SH2B3: variants seen among roughly 807,000 people sequenced by gnomAD.
The protein encoded by SH2B3 is SH2B adaptor protein 3.
Under a neutral mutation model 51.9 loss-of-function variants are expected in SH2B3, and 43 were observed. That is an observed-to-expected ratio of 0.83 (90% CI 0.65 to 1.07). The LOEUF is 1.07. Among genes scored for constraint, SH2B3 ranks in the 50% least tolerant of loss-of-function variants. SH2B3 has a pLI of 0.00. For missense variants in SH2B3, 952 were observed against 834.3 expected, an observed-to-expected ratio of 1.14 and a Z score of -1.74; for synonymous variants, 396 against 376.0, an observed-to-expected ratio of 1.05 and a Z score of -0.62.
chr12:111,423,724 A>G (rs1871754236), intron 2 of SH2B3, among the ~76,000 whole-genome samples: 1 of 151,718 alleles, frequency 6.6e-6, no homozygotes. Flanking sequence ...GGCTCATGCC[A>G]GTAATCCCAG....
chr12:111,418,646 A>G lies in SH2B3; in HGVS notation c.501A>G (p.Gly167=). The change falls in exon 2 of 8, where the codon GGA becomes GGG. Residue 167 remains glycine (G), a synonymous_variant. Transcript: ENST00000341259. The surrounding 1 kb of genome is among the most constrained non-coding windows in gnomAD (Gnocchi z 6.7). ...CCGCTGCCGCCCCCGGGACCCCCGGAGAGGCTGCTGAGACCCCCGCCCGGC... is the reference window on the plus strand; with the variant it reads ...CCGCTGCCGCCCCCGGGACCCCCGGGGAGGCTGCTGAGACCCCCGCCCGGC... The part of the protein sequence containing the change: ...AHTAAAPGTP[G]EAAETPARPG... 1 of 1,479,562 alleles carries G rather than the reference A, an allele frequency of 6.8e-7. No individual in the cohort carries two copies. The highest frequency in any genetic ancestry group is 8.9e-7 in the Non-Finnish European group (1 of 1,124,688). The allele number at this position is 1,479,562 out of a possible 1,614,324, so 91.7% of individuals were successfully genotyped here.
intron 1 of SH2B3, among the ~76,000 whole-genome samples, chr12:111,417,689 T>C (rs1871191267): frequency 6.6e-6 from 1 of 151,986 alleles, no homozygotes; most frequent in Admixed American, 6.6e-5. Context: ...ACTCCTGGGC[T>C]CAAGTGATCC....
chr12:111,412,025 G>A (rs1242260633), intron 1 of SH2B3, among the ~76,000 whole-genome samples: 1 of 152,158 alleles, frequency 6.6e-6, no homozygotes, highest in Non-Finnish European at 1.5e-5. Flanking sequence ...CCGAAGCTCT[G>A]TGCTGGGATA....
At chr12:111,432,645 T>C (rs989722137) in intron 2 of SH2B3, among the ~76,000 whole-genome samples, 2 of 152,198 alleles carry the variant, frequency 1.3e-5, no homozygotes, top group Non-Finnish European at 2.9e-5. Flanking sequence ...AAGGAAACCT[T>C]GTACCCATGA....
At position 111,447,018 on chromosome 12, in the gene SH2B3, A is replaced by G; in HGVS notation, c.911A>G (p.Glu304Gly). 1.2e-6 allele frequency: 2 copies of G among 1,613,818 alleles called. No individual in the cohort carries two copies. Among genetic ancestry groups the G allele is most frequent in the African/African-American group, 1.3e-5 (1 of 75,010 alleles). Reference protein sequence around the residue: ...QLNSWMAELSECTGRGLESTE... With the variant: ...QLNSWMAELSGCTGRGLESTE... ...AATTCATGGATGGCTGAGCTCTCGG[A>G]GTGCACAGGCCGAGGGTGAGGTCCT... Residue 304 changes from glutamate to glycine, a missense_variant, in exon 4 of 8, where the codon GAG becomes GGG. Glu to Gly is a moderately conservative substitution (Grantham distance 98). Coordinates refer to ENST00000341259, the MANE Select transcript of SH2B3 (RefSeq NM_005475.3).
intron 2 of SH2B3, among the ~76,000 whole-genome samples, chr12:111,431,443 TA>T (rs1314819666): frequency 1.3e-5 from 2 of 152,110 alleles, no homozygotes; most frequent in Non-Finnish European, 2.9e-5. Flanking sequence ...TAATGTTTTT[TA>T]TTTTGCTTTT....
At chr12:111,444,448 A>G (rs1467571137) in intron 2 of SH2B3, among the ~76,000 whole-genome samples, 1 of 152,190 alleles carries the variant, frequency 6.6e-6, no homozygotes, top group East Asian at 1.9e-4. Flanking sequence ...CTCCCCAGAA[A>G]TAGACGCTGC....
At chr12:111,439,123 C>T (rs188264125) in intron 2 of SH2B3, among the ~76,000 whole-genome samples, 1 of 152,102 alleles carries the variant, frequency 6.6e-6, no homozygotes, top group Non-Finnish European at 1.5e-5. Flanking sequence ...CAGGTACCTG[C>T]CACCATGCCC....
Position 111,430,990 on chromosome 12 carries a change from C to T in SH2B3, c.732+12113C>T, listed in dbSNP as rs920804745. On this transcript the variant is annotated intron_variant, in intron 2 of 7. Transcript: ENST00000341259. Reference sequence around the variant, plus strand: ...TGTGAATGGAAAAGGAAACTGATTGCGCTAGAAGAGGTCTCCGAGTGCCGG... The same window carrying T: ...TGTGAATGGAAAAGGAAACTGATTGTGCTAGAAGAGGTCTCCGAGTGCCGG... Among the ~76,000 whole-genome samples the T allele has an allele frequency of 3.3e-5, 5 of 150,298 alleles. 1 individual carries two copies. The South Asian group carries it at 8.4e-4, about 25-fold the overall frequency.
chr12:111,442,137 A>G (rs570997749), intron 2 of SH2B3, among the ~76,000 whole-genome samples: 5 of 152,314 alleles, frequency 3.3e-5, no homozygotes, highest in East Asian at 3.9e-4. Context: ...CCATCCCGGC[A>G]GCATCCACTT....
intron 3 of SH2B3, 43 bp downstream of exon 3, chr12:111,446,897 A>G: frequency 1.2e-6 from 2 of 1,603,314 alleles, no homozygotes; most frequent in Non-Finnish European, 1.7e-6. Flanking sequence ...ATACAAATAC[A>G]TACACATACA....
At chr12:111,443,233 G>C (rs995940276) in intron 2 of SH2B3, among the ~76,000 whole-genome samples, 22 of 152,246 alleles carry the variant, frequency 1.4e-4, no homozygotes, top group Admixed American at 4.6e-4. Context: ...AGGGAGAGCT[G>C]CGTGACCCCA....
Position 111,429,005 on chromosome 12 carries a change from G to C in SH2B3, c.732+10128G>C, listed in dbSNP as rs1195092982. The stretch of plus-strand genomic sequence containing the variant: ...CGGAGGCCTGGCGGTTTCCTCTCGG[G>C]GCAGGAGTGCGAGGAGGAGGAGGAG... On this transcript the variant is annotated intron_variant, in intron 2 of 7. Coordinates refer to ENST00000341259, the MANE Select transcript of SH2B3 (RefSeq NM_005475.3). This position sits in a 1 kb window ranked among gnomAD's most constrained non-coding sequence, Gnocchi z 4.4. Among the ~76,000 whole-genome samples, 1 of 150,178 alleles carries C rather than the reference G, an allele frequency of 6.7e-6. No homozygotes were observed. Among genetic ancestry groups the C allele is most frequent in the Non-Finnish European group, 1.5e-5 (1 of 67,504 alleles).
intron 2 of SH2B3, among the ~76,000 whole-genome samples, chr12:111,436,944 TG>T (rs1165791680): frequency 6.6e-6 from 1 of 151,578 alleles, no homozygotes; most frequent in Non-Finnish European, 1.5e-5. Context: ...AGCAGGCTGG[TG>T]TGTGTCCTGT....
Position 111,438,428 on chromosome 12 carries a change from G to A in SH2B3, c.733-8325G>A, listed in dbSNP as rs1873088767. On this transcript the variant is annotated intron_variant, in intron 2 of 7. Coordinates refer to ENST00000341259, the MANE Select transcript of SH2B3 (RefSeq NM_005475.3). This position sits in a 1 kb window ranked among gnomAD's most constrained non-coding sequence, Gnocchi z 4.2. The stretch of plus-strand genomic sequence containing the variant: ...CTGGCCAGCTGGAGGGGCCTTGGGA[G>A]GCCCACCCCAGCCCTGAGAGCACTG... Among the ~76,000 whole-genome samples the A allele has an allele frequency of 6.6e-6, 1 of 152,080 alleles. No homozygotes were observed.
rs1046057518 is a variant in SH2B3 at position 111,418,629 on chromosome 12, G to A, written c.484G>A (p.Ala162Thr). The A allele has an allele frequency of 4.1e-6, 6 of 1,474,240 alleles. No homozygotes were observed. In the African/African-American group the frequency reaches 4.4e-5, roughly 11 times the overall value. The allele number at this position is 1,474,240 out of a possible 1,614,324, so 91.3% of individuals were successfully genotyped here. A position where few individuals can be genotyped will look rare whatever the true frequency, so the allele number is the denominator to read the frequency against. ...GCTGCCAGCGGCCCACACCGCTGCC[G>A]CCCCCGGGACCCCCGGAGAGGCTGC... ...GELPAAHTAA[A>T]PGTPGEAAET... The change falls in exon 2 of 8, where the codon GCC becomes ACC. Residue 162 changes from alanine (A) to threonine (T), a missense_variant. Coordinates refer to ENST00000341259, the MANE Select transcript of SH2B3 (RefSeq NM_005475.3). This position sits in a 1 kb window ranked among gnomAD's most constrained non-coding sequence, Gnocchi z 6.7.
In SH2B3 at chr12:111,435,007, C is replaced by T. The variant is rs1216447787; in HGVS notation, c.733-11746C>T. 1.4e-5 allele frequency: 21 copies of T among 1,534,916 alleles called. No individual in the cohort carries two copies. The highest frequency in any genetic ancestry group is 3.9e-5 in the Admixed American group (2 of 50,970). On this transcript the variant is annotated intron_variant, in intron 2 of 7. Coordinates refer to ENST00000341259, the MANE Select transcript of SH2B3 (RefSeq NM_005475.3). The surrounding 1 kb of genome is among the most constrained non-coding windows in gnomAD (Gnocchi z 4.8). ...GAAGCCCTTGCTCTCACCTCTTCTT[C>T]TGAATCATCGTTCTTCGAAGGCAGG... is the stretch of plus-strand genomic sequence containing the variant.
chr12:111,408,766 C>A (rs1870444932), intron 1 of SH2B3, among the ~76,000 whole-genome samples: 1 of 152,148 alleles, frequency 6.6e-6, no homozygotes, highest in Non-Finnish European at 1.5e-5. Flanking sequence ...TTTACATGAC[C>A]CCACACCCTT....
chr12:111,428,452 T>C (rs562484399), intron 2 of SH2B3, among the ~76,000 whole-genome samples: 112 of 152,276 alleles, frequency 7.4e-4, no homozygotes, highest in African/African-American at 2.5e-3. Context: ...GTGTGTGACT[T>C]GGCCTTGCTG....
Sources: allele counts gnomAD v4.1 joint callset (sites outside exome capture counted in the v4.1 genomes callset), GRCh38; gene constraint gnomAD v4.1.1; non-coding constraint Gnocchi (gnomAD v3.1); transcripts MANE v1.5; gene names NCBI Gene and HGNC (gene_info 2026-07-23, HGNC 2026-07-21).